Variants in POLR2F observed in about 807,000 individuals in gnomAD.
POLR2F encodes RNA polymerase II, I and III subunit F.
POLR2F carries 12 observed loss-of-function variants against 22.7 expected under a neutral mutation model. That is an observed-to-expected ratio of 0.53 (90% CI 0.34 to 0.86). POLR2F has a LOEUF of 0.86. Among genes scored for constraint, POLR2F ranks in the 40% least tolerant of loss-of-function variants. The pLI, the probability that POLR2F is intolerant of heterozygous loss-of-function variation, is 0.02. For missense variants in POLR2F, 126 were observed against 171.5 expected (o/e 0.73, Z 1.48); for synonymous variants, 57 against 66.0 (o/e 0.86, Z 0.66).
intron 3 of POLR2F, 94 bp downstream of exon 3, chr22:37,959,570 ACTCTCTG>A: frequency 7.2e-7 from 1 of 1,398,386 alleles, no homozygotes; most frequent in Non-Finnish European, 9.8e-7. Flanking sequence ...CTGAAAACAG[ACTCTCTG>A]CTCTCACATT....
In POLR2F at chr22:37,964,053, G is replaced by T. The variant is rs144676160; in HGVS notation, c.222-3046G>T. 4.1e-3 allele frequency among the ~76,000 whole-genome samples: 619 copies of T among 151,630 alleles called. 24 individuals are homozygous for T. In the East Asian group the frequency reaches 0.082, roughly 20 times the overall value. ...GGAGGCGGAGGTTGCACTGAGCCAA[G>T]ATCGTGCCACTAATCCAGCCTGGGT... is the stretch of plus-strand genomic sequence containing the variant. On this transcript the variant is annotated intron_variant, in intron 3 of 4. Transcript: ENST00000442738.
intron 1 of POLR2F, among the ~76,000 whole-genome samples, chr22:38,002,733 C>G (rs940994224): frequency 6.7e-5 from 10 of 148,562 alleles, no homozygotes; most frequent in Admixed American, 6.7e-5. Context: ...ACTTTTGAGT[C>G]TTTTTTTTTT....
chr22:37,983,593 G>C (rs1315579578), upstream of POLR2F: 1 of 1,608,960 alleles, frequency 6.2e-7, no homozygotes, highest in Non-Finnish European at 8.5e-7. This position sits in a 1 kb window ranked among gnomAD's most constrained non-coding sequence, Gnocchi z 9.5. Context: ...ACTTGTCATC[G>C]TCCGCCTCGC....
downstream of POLR2F, among the ~76,000 whole-genome samples, chr22:37,971,964 A>C (rs1293567790): frequency 6.6e-6 from 1 of 151,178 alleles, no homozygotes; most frequent in Non-Finnish European, 1.5e-5. Flanking sequence ...CTGAGCTCAG[A>C]TGGACCCCAC....
chr22:38,036,671 T>G (rs1206845060), intron 5 of POLR2F, among the ~76,000 whole-genome samples: 1 of 151,870 alleles, frequency 6.6e-6, no homozygotes, highest in Admixed American at 6.6e-5. Context: ...TCTCAGTTTC[T>G]GACCTTGACC....
rs1932589711 is a variant in POLR2F at position 37,986,646 on chromosome 22, C to T, written c.120+334C>T. 1 of 623,630 alleles carries T rather than the reference C, an allele frequency of 1.6e-6. No homozygotes were observed. Among genetic ancestry groups the T allele is most frequent in the Non-Finnish European group, 3.0e-6 (1 of 336,390 alleles). The allele number at this position is 623,630 out of a possible 1,614,324, so 38.6% of individuals were successfully genotyped here. A position where few individuals can be genotyped will look rare whatever the true frequency, so the allele number is the denominator to read the frequency against. On this transcript the variant is annotated intron_variant, in intron 1 of 2. Transcript: ENST00000333418. This position sits in a 1 kb window ranked among gnomAD's most constrained non-coding sequence, Gnocchi z 4.7. ...GTCCCCGCACAGACACTGCCTTCCT[C>T]TCAGGGCTGTGCTGGGCTTTTTGCT... is the stretch of plus-strand genomic sequence containing the variant.
intron 1 of POLR2F, among the ~76,000 whole-genome samples, chr22:38,006,323 C>A (rs2084820958): frequency 6.6e-6 from 1 of 152,198 alleles, no homozygotes; most frequent in Non-Finnish European, 1.5e-5. Context: ...AGGCAGTGAG[C>A]AGGCATGTGG....
intron 4 of POLR2F, among the ~76,000 whole-genome samples, chr22:37,979,807 G>C (rs1217079610): frequency 1.3e-5 from 2 of 152,106 alleles, no homozygotes; most frequent in African/African-American, 2.4e-5. Context: ...GGAAAGTCCA[G>C]ATTCTAGAAT....
chr22:38,038,402 T>C (rs1184320007), intron 5 of POLR2F, among the ~76,000 whole-genome samples: 2 of 152,140 alleles, frequency 1.3e-5, no homozygotes, highest in Admixed American at 6.5e-5. Context: ...GTGGAAGCCA[T>C]GGCTCTGGCC....
exon 3 of POLR2F, chr22:38,026,301 G>A (rs2085009736): frequency 1.9e-6 from 1 of 532,614 alleles, no homozygotes; most frequent in African/African-American, 1.9e-5. Flanking sequence ...ACCCAAGCAT[G>A]GACAAGTGAG....
intron 1 of POLR2F, among the ~76,000 whole-genome samples, chr22:38,003,306 A>G (rs949371412): frequency 1.3e-5 from 2 of 151,592 alleles, no homozygotes; most frequent in Non-Finnish European, 2.9e-5. Flanking sequence ...GGCTCACCAC[A>G]ACCTCCGCCT....
At chr22:38,036,770 C>A (rs1427816534) in intron 5 of POLR2F, among the ~76,000 whole-genome samples, 2 of 152,032 alleles carry the variant, frequency 1.3e-5, no homozygotes, top group African/African-American at 4.8e-5. Context: ...CTTCCCCCAG[C>A]GTTCAGAGCT....
chr22:37,985,569 G>T (rs1379853662), upstream of POLR2F, among the ~76,000 whole-genome samples: 8 of 152,154 alleles, frequency 5.3e-5, no homozygotes, highest in Admixed American at 1.3e-4. Flanking sequence ...CCGAGGTGGG[G>T]TGTATGTGGG....
At chr22:37,977,208 G>T (rs895444990) in intron 4 of POLR2F, among the ~76,000 whole-genome samples, 3 of 150,828 alleles carry the variant, frequency 2.0e-5, no homozygotes, top group African/African-American at 7.3e-5. Context: ...GAAAGAGGCA[G>T]TGATTTCCTC....
chr22:38,028,524 A>G (rs765855973), downstream of POLR2F, among the ~76,000 whole-genome samples: 12 of 151,412 alleles, frequency 7.9e-5, no homozygotes, highest in Non-Finnish European at 1.2e-4. Flanking sequence ...GTGTGTGTGC[A>G]TGTGTGTGTG....
At chr22:37,979,397 C>T (rs1169237700) in intron 4 of POLR2F, among the ~76,000 whole-genome samples, 3 of 152,132 alleles carry the variant, frequency 2.0e-5, no homozygotes, top group East Asian at 1.9e-4. Context: ...CGTGCCCGGC[C>T]CCAAGAGGTG....
chr22:38,041,110 G>A, downstream of POLR2F: 1 of 1,612,960 alleles, frequency 6.2e-7, no homozygotes, highest in African/African-American at 1.3e-5. Context: ...GAAGCCCCGT[G>A]AACAATGCAT....
intron 3 of POLR2F, among the ~76,000 whole-genome samples, chr22:37,965,239 T>G (rs1321892926): frequency 6.6e-6 from 1 of 152,158 alleles, no homozygotes; most frequent in East Asian, 1.9e-4. Flanking sequence ...ACTCCTGACC[T>G]CAGGTGATTC....
chr22:37,983,404 C>T, upstream of POLR2F: 1 of 1,610,286 alleles, frequency 6.2e-7, no homozygotes. The surrounding 1 kb of genome is among the most constrained non-coding windows in gnomAD (Gnocchi z 9.5). Context: ...TGTGCAGGTG[C>T]GGGTACTGGT....
Sources: allele counts gnomAD v4.1 joint callset (sites outside exome capture counted in the v4.1 genomes callset), GRCh38; gene constraint gnomAD v4.1.1; non-coding constraint Gnocchi (gnomAD v3.1); transcripts MANE v1.5; gene names NCBI Gene and HGNC (gene_info 2026-07-23, HGNC 2026-07-21).